The following ARSB variants were observed in gnomAD, a reference collection of about 807,000 sequenced individuals.
ARSB encodes the protein N-acetylgalactosamine-4-sulfatase.
In ARSB, 41 loss-of-function variants were observed where a neutral mutation model predicts 50.9. The ratio of observed to expected loss-of-function variants is 0.81; its 90% CI spans 0.63 to 1.04. ARSB has a LOEUF of 1.04. Ranked by LOEUF, ARSB falls within the 50% of genes least tolerant of loss-of-function variation. The pLI is 0.00. For missense variants in ARSB, 672 were observed against 693.3 expected (o/e 0.97, Z 0.35); for synonymous variants, 269 against 284.8 (o/e 0.94, Z 0.56).
chr5:78,875,983 G>A (rs1459800764), intron 5 of ARSB, among the ~76,000 whole-genome samples: 2 of 152,092 alleles, frequency 1.3e-5, no homozygotes, highest in Non-Finnish European at 2.9e-5. Context: ...TACTATTTAT[G>A]TTTGATGGTA....
At chr5:78,821,052 G>T (rs1400078085) in intron 6 of ARSB, among the ~76,000 whole-genome samples, 1 of 152,180 alleles carries the variant, frequency 6.6e-6, no homozygotes, top group Non-Finnish European at 1.5e-5. Context: ...ATCTAAAGTG[G>T]TCTATAAAGT....
intron 5 of ARSB, among the ~76,000 whole-genome samples, chr5:78,869,287 T>G (rs1449196044): frequency 8.1e-6 from 1 of 124,118 alleles, no homozygotes; most frequent in African/African-American, 3.0e-5. Flanking sequence ...ACCCAGGAAT[T>G]GAACTCAGCT....
At chr5:78,915,651 T>C (rs1227448703) in intron 4 of ARSB, among the ~76,000 whole-genome samples, 2 of 152,168 alleles carry the variant, frequency 1.3e-5, no homozygotes, top group Non-Finnish European at 2.9e-5. Flanking sequence ...TCCAAAACAC[T>C]TAGGACCAGA....
chr5:78,816,593 C>G (rs947180979), intron 6 of ARSB, among the ~76,000 whole-genome samples: 15 of 152,230 alleles, frequency 9.9e-5, no homozygotes, highest in Admixed American at 2.0e-4. Context: ...AATCAGAGAG[C>G]ATCTGCATGG....
Position 78,781,833 on chromosome 5 carries a change from G to T in ARSB, c.1336+19C>A. On this transcript the variant is annotated intron_variant, in intron 7 of 7. Coordinates refer to ENST00000264914, the MANE Select transcript of ARSB (RefSeq NM_000046.5). ...TTGTCTACCACGGGAAGGGAAGTTT[G>T]CTAAGCTAAGGACTCTACCTGGGTA... The T allele has an allele frequency of 6.2e-7, 1 of 1,613,952 alleles. No homozygotes were observed. Among genetic ancestry groups the T allele is most frequent in the South Asian group, 1.1e-5 (1 of 91,066 alleles).
chr5:78,883,375 A>G (rs1219039083), intron 5 of ARSB: 1 of 152,166 alleles, frequency 6.6e-6, no homozygotes, highest in East Asian at 1.9e-4. Flanking sequence ...TGAAATGACA[A>G]ATCATAAACT....
chr5:78,783,794 AT>A (rs60636742), intron 6 of ARSB, among the ~76,000 whole-genome samples: 1,669 of 152,248 alleles, frequency 0.011, 33 homozygotes, highest in African/African-American at 0.038. Flanking sequence ...ATTTATACAC[AT>A]TTTTTTCTTA....
At chr5:78,803,680 C>G (rs1303459155) in intron 6 of ARSB, among the ~76,000 whole-genome samples, 1 of 152,254 alleles carries the variant, frequency 6.6e-6, no homozygotes, top group Non-Finnish European at 1.5e-5. Context: ...CCTGCTCAGG[C>G]TGCTTTCCTA....
rs116826114 is a variant in ARSB, at chr5:78,845,671, T to C, written c.1143-6245A>G. ...TAAAAATAAATCTACTAGCCATTTG[T>C]ATTTCTTATTTTGAGAGGTGTCTAT... On this transcript the variant is annotated intron_variant, in intron 5 of 7. Transcript: ENST00000264914. 6.7e-3 allele frequency among the ~76,000 whole-genome samples: 1,026 copies of C among 152,260 alleles called. 6 individuals carry two copies. Among genetic ancestry groups the C allele is most frequent in the Non-Finnish European group, 0.01 (704 of 67,970 alleles).
intron 6 of ARSB, chr5:78,815,920 T>G: frequency 6.7e-7 from 1 of 1,503,536 alleles, no homozygotes; most frequent in East Asian, 2.4e-5. Context: ...GGGCCCCTTC[T>G]TTCTTGGAGA....
chr5:78,929,468 A>T (rs990965153), intron 4 of ARSB, among the ~76,000 whole-genome samples: 1 of 151,978 alleles, frequency 6.6e-6, no homozygotes, highest in Non-Finnish European at 1.5e-5. Flanking sequence ...TGAATTAGAG[A>T]CCACTACCAT....
chr5:78,790,571 A>T (rs754858092), intron 6 of ARSB, among the ~76,000 whole-genome samples: 4 of 152,222 alleles, frequency 2.6e-5, no homozygotes, highest in Non-Finnish European at 4.4e-5. Flanking sequence ...CATTAAAGAT[A>T]ATAATATCTA....
intron 6 of ARSB, among the ~76,000 whole-genome samples, chr5:78,807,263 A>G (rs564426626): frequency 1.3e-5 from 2 of 152,360 alleles, no homozygotes; most frequent in Middle Eastern, 3.4e-3. Flanking sequence ...CCTGCCCTCC[A>G]CATTTTATGT....
intron 4 of ARSB, among the ~76,000 whole-genome samples, chr5:78,898,413 A>C (rs1312532657): frequency 6.6e-6 from 1 of 152,226 alleles, no homozygotes; most frequent in Non-Finnish European, 1.5e-5. Context: ...GTACTTCCCA[A>C]CTTATTCTAT....
chr5:78,829,528 G>A (rs1015038377), intron 6 of ARSB, among the ~76,000 whole-genome samples: 2 of 152,014 alleles, frequency 1.3e-5, no homozygotes, highest in Admixed American at 1.3e-4. Context: ...GTTTTCCTCT[G>A]ATTCAAAAGA....
chr5:78,857,718 G>C (rs1746222432), intron 5 of ARSB, among the ~76,000 whole-genome samples: 1 of 152,168 alleles, frequency 6.6e-6, no homozygotes, highest in South Asian at 2.1e-4. Context: ...ATTGGCTATG[G>C]CAGTAAGTAG....
At chr5:78,875,613 G>A (rs1747442614) in intron 5 of ARSB, among the ~76,000 whole-genome samples, 2 of 151,786 alleles carry the variant, frequency 1.3e-5, no homozygotes, top group Non-Finnish European at 2.9e-5. Flanking sequence ...TAAGTATCAT[G>A]ATCGAAAGAT....
At chr5:78,835,546 G>A (rs1744913210) in intron 6 of ARSB, among the ~76,000 whole-genome samples, 1 of 152,168 alleles carries the variant, frequency 6.6e-6, no homozygotes, top group African/African-American at 2.4e-5. Context: ...CAGAAAGGTG[G>A]CCAGGATATA....
chr5:78,911,614 A>G lies in ARSB; in HGVS notation c.899-25787T>C, dbSNP rs920516867. Among the ~76,000 whole-genome samples, 12 of 120,748 alleles carry G rather than the reference A, an allele frequency of 9.9e-5. No homozygotes were observed. The South Asian group carries it at 3.3e-3, about 33-fold the overall frequency. The allele number at this position is 120,748 out of a possible 152,430, so 79.2% of individuals were successfully genotyped here. A position where few individuals can be genotyped will look rare whatever the true frequency, so the allele number is the denominator to read the frequency against. On this transcript the variant is annotated intron_variant, in intron 4 of 7. Transcript: ENST00000264914. ...AAAAAAAAAAAAAAAAAAAAAAAGA[A>G]TAACTTGGGCAATTAGAAACTTGAA...
Sources: allele counts gnomAD v4.1 joint callset (sites outside exome capture counted in the v4.1 genomes callset), GRCh38; gene constraint gnomAD v4.1.1; transcripts MANE v1.5; gene names NCBI Gene and HGNC (gene_info 2026-07-23, HGNC 2026-07-21).